The following ARAP1 variants were observed in gnomAD, a reference collection of about 807,000 sequenced individuals.
The protein encoded by ARAP1 is ArfGAP with RhoGAP domain, ankyrin repeat and PH domain 1, also known as arf-GAP with Rho-GAP domain, ANK repeat and PH domain-containing protein 1.
A neutral mutation model predicts 172.2 loss-of-function variants in ARAP1; 76 were observed. The observed-to-expected ratio is 0.44, with a 90% CI of 0.37 to 0.53. ARAP1 has a LOEUF of 0.53. Ranked by LOEUF, ARAP1 falls within the 20% of genes least tolerant of loss-of-function variation. ARAP1 has a pLI of 0.00. For synonymous variants in ARAP1, 804 were observed against 803.3 expected, an observed-to-expected ratio of 1.00 and a Z score of -0.01; for missense variants, 1,686 against 1,977.5, an observed-to-expected ratio of 0.85 and a Z score of 2.80.
intron 30 of ARAP1, among the ~76,000 whole-genome samples, chr11:72,692,151 CAG>C (rs1855961686): frequency 6.6e-6 from 1 of 152,156 alleles, no homozygotes; most frequent in Non-Finnish European, 1.5e-5. Context: ...TCATGAGATG[CAG>C]ATTCTCAGCA....
intron 13 of ARAP1, chr11:72,705,537 A>T: frequency 2.1e-6 from 1 of 472,412 alleles, no homozygotes; most frequent in East Asian, 3.4e-5. Flanking sequence ...TACAGAACAC[A>T]TACAGTCTCT....
rs938593463 is a variant in ARAP1, at chr11:72,698,941, G to A, written c.2541+64C>T. ...CGGGGGAGCTGGGATACATGGGATT[G>A]GCCAGGAGGCCCCACCTTCCCCAGT... is the stretch of plus-strand genomic sequence containing the variant. On this transcript the variant is annotated intron_variant, in intron 18 of 34. Coordinates refer to ENST00000393609, the MANE Select transcript of ARAP1 (RefSeq NM_001040118.3). The A allele has an allele frequency of 3.3e-6, 5 of 1,521,428 alleles. No individual in the cohort carries two copies. In the African/African-American group the frequency reaches 6.8e-5, roughly 21 times the overall value. 94.2% of individuals were successfully genotyped at this position (1,521,428 alleles called of 1,614,324 possible). A position where few individuals can be genotyped will look rare whatever the true frequency, so the allele number is the denominator to read the frequency against.
rs541896827 is a variant in ARAP1, at chr11:72,739,812, G to A, written c.-127-7215C>T. ...GGTGCTAGGCTTGTAGCCAGGCTCT[G>A]GGCTAGACTCCCTCCACATCCTGAG... On this transcript the variant is annotated intron_variant, in intron 1 of 34. Transcript: ENST00000393609. Among the ~76,000 whole-genome samples, 10 of 152,232 alleles carry A rather than the reference G, an allele frequency of 6.6e-5. 2 individuals are homozygous for A. The highest frequency in any genetic ancestry group is 2.2e-4 in the African/African-American group (9 of 41,544).
chr11:72,707,389 G>A lies in ARAP1; in HGVS notation c.1524-15C>T. ...CAGCAGAGAAGCTGGGGACATAGGG[G>A]TGGGGAGATTAGTGGGGATGGACTC... On this transcript the variant is annotated splice_polypyrimidine_tract_variant and intron_variant, in intron 11 of 34. Transcript: ENST00000393609. 1 of 1,605,022 alleles carries A rather than the reference G, an allele frequency of 6.2e-7. No individual in the cohort carries two copies. Among genetic ancestry groups the A allele is most frequent in the East Asian group, 2.2e-5 (1 of 44,664 alleles).
Position 72,692,787 on chromosome 11 carries a change from T to C in ARAP1, c.3955-2A>G, listed in dbSNP as rs966296205. 4.3e-6 allele frequency: 7 copies of C among 1,613,486 alleles called. No individual in the cohort carries two copies. In the African/African-American group the frequency reaches 8.0e-5, roughly 18 times the overall value. On this transcript the variant is annotated splice_acceptor_variant, in intron 29 of 34. Transcript: ENST00000393609. LOFTEE classifies it high-confidence loss of function. ...GGCCCCGCTCCACGGCCTCTGGCTC[T>C]GTTTGATAGAGGATCAGGGTTATGG...
In ARAP1 at chr11:72,741,481, C is replaced by T. The variant is rs2135590218; in HGVS notation, c.-127-8884G>A. Among the ~76,000 whole-genome samples the T allele has an allele frequency of 6.6e-6, 1 of 152,260 alleles. No homozygotes were observed. Among genetic ancestry groups the T allele is most frequent in the African/African-American group, 2.4e-5 (1 of 41,550 alleles). On this transcript the variant is annotated intron_variant, in intron 1 of 34. Transcript: ENST00000393609. The surrounding 1 kb of genome is among the most constrained non-coding windows in gnomAD (Gnocchi z 4.5). ...ACAGGGCTCTGGCCTGGCTCCCTGG[C>T]CCTCAGGCACAGACACACTCTACAG...
intron 1 of ARAP1, among the ~76,000 whole-genome samples, chr11:72,739,823 C>T (rs903064142): frequency 1.3e-5 from 2 of 152,150 alleles, no homozygotes; most frequent in African/African-American, 4.8e-5. Context: ...GGCTAGACTC[C>T]CTCCACATCC....
intron 1 of ARAP1, among the ~76,000 whole-genome samples, chr11:72,749,003 AT>A (rs1405476462): frequency 2.0e-5 from 3 of 152,168 alleles, no homozygotes; most frequent in Non-Finnish European, 4.4e-5. Flanking sequence ...TTTCTAAAAC[AT>A]AACACCTCTC....
At position 72,699,988 on chromosome 11, in the gene ARAP1, A is replaced by G. The variant is rs374750935; in HGVS notation, c.2303-436T>C. The G allele has an allele frequency of 3.8e-4, 67 of 177,632 alleles. No individual in the cohort carries two copies. The South Asian group carries it at 8.7e-3, about 23-fold the overall frequency. 11.0% of individuals were successfully genotyped at this position (177,632 alleles called of 1,614,324 possible). ...CCTTGTCCCCTCTACCCACCACCTG[A>G]ATGTCACAGGAAGCCTTCTATGCCC... On this transcript the variant is annotated intron_variant, in intron 16 of 34. Coordinates refer to ENST00000393609, the MANE Select transcript of ARAP1 (RefSeq NM_001040118.3). This position sits in a 1 kb window ranked among gnomAD's most constrained non-coding sequence, Gnocchi z 4.2.
intron 2 of ARAP1, among the ~76,000 whole-genome samples, chr11:72,728,539 C>A (rs988323249): frequency 3.9e-5 from 6 of 152,084 alleles, no homozygotes; most frequent in Admixed American, 2.6e-4. Flanking sequence ...CGAGATCATG[C>A]CACTGCACCC....
In ARAP1 at chr11:72,704,112, G is replaced by A. The variant is rs988954727; in HGVS notation, c.1992+40C>T. 3 of 1,612,768 alleles carry A rather than the reference G, an allele frequency of 1.9e-6. No individual in the cohort carries two copies. The African/African-American group carries it at 4.0e-5, about 22-fold the overall frequency. Reference sequence around the variant, plus strand: ...TGAGGAACAGGGCAGCAGAAAGACGGGGGTGGTCCCAAGGGGCCCCAGAGC... The same window carrying A: ...TGAGGAACAGGGCAGCAGAAAGACGAGGGTGGTCCCAAGGGGCCCCAGAGC... On this transcript the variant is annotated intron_variant, in intron 14 of 34. Coordinates refer to ENST00000393609, the MANE Select transcript of ARAP1 (RefSeq NM_001040118.3).
In ARAP1 at chr11:72,711,126, G is replaced by C. The variant is rs200779197; in HGVS notation, c.1108C>G (p.Arg370Gly). 3 of 1,614,056 alleles carry C rather than the reference G, an allele frequency of 1.9e-6. No individual in the cohort carries two copies. The South Asian group carries it at 3.3e-5, about 18-fold the overall frequency. ...FDSNKDAYSK[R>G]FISVACISHV... ...GAGATGCAGGCCACAGAGATAAAGC[G>C]CTTAGAGTAAGCGTCCTGGGGGAGA... The change falls in exon 9 of 35, where the codon CGC becomes GGC. Residue 370 changes from arginine (R) to glycine (G), a missense_variant. By Grantham distance (125) the Arg-to-Gly change is moderately radical (BLOSUM62 -2). Around this residue, in one of 5 missense-constraint regions of ARAP1, gnomAD observed 688 missense variants for 856.9 expected, o/e 0.80. Coordinates refer to ENST00000393609, the MANE Select transcript of ARAP1 (RefSeq NM_001040118.3).
Position 72,693,863 on chromosome 11 carries a change from C to T in ARAP1, c.3695-58G>A. On this transcript the variant is annotated intron_variant, in intron 27 of 34. Coordinates refer to ENST00000393609, the MANE Select transcript of ARAP1 (RefSeq NM_001040118.3). The surrounding 1 kb of genome is among the most constrained non-coding windows in gnomAD (Gnocchi z 4.6). ...CCACATGGCCCGATACCACCAAAGGCTGGCAGATGGGCACATATCACCTAC... is the reference window on the plus strand; with the variant it reads ...CCACATGGCCCGATACCACCAAAGGTTGGCAGATGGGCACATATCACCTAC... The T allele has an allele frequency of 3.5e-6, 5 of 1,419,142 alleles. No individual in the cohort carries two copies. Among genetic ancestry groups the T allele is most frequent in the Non-Finnish European group, 4.8e-6 (5 of 1,044,516 alleles). The allele number at this position is 1,419,142 out of a possible 1,614,324, so 87.9% of individuals were successfully genotyped here.
intron 33 of ARAP1, chr11:72,687,156 T>C (rs1002937642): frequency 2.0e-6 from 1 of 493,978 alleles, no homozygotes; most frequent in Non-Finnish European, 3.7e-6. Flanking sequence ...CTGATCACAC[T>C]GGGCTATAAC....
At chr11:72,743,237 C>T (rs1359829158) in intron 1 of ARAP1, among the ~76,000 whole-genome samples, 2 of 152,192 alleles carry the variant, frequency 1.3e-5, no homozygotes, top group African/African-American at 2.4e-5. Context: ...AATGCTCAAT[C>T]GATAATATTT....
chr11:72,697,891 C>T lies in ARAP1; in HGVS notation c.2737+20G>A. ...GATAGGGTGCCCTGGAGGCTGGGGG[C>T]CCAGGTCTGGTCCACGCACAAAGCT... is the stretch of plus-strand genomic sequence containing the variant. On this transcript the variant is annotated intron_variant, in intron 19 of 34. Coordinates refer to ENST00000393609, the MANE Select transcript of ARAP1 (RefSeq NM_001040118.3). 6.4e-7 allele frequency: 1 copy of T among 1,552,586 alleles called. No homozygotes were observed. The highest frequency in any genetic ancestry group is 2.3e-5 in the East Asian group (1 of 43,710).
Position 72,699,160 on chromosome 11 carries a change from C to G in ARAP1, c.2439-53G>C. On this transcript the variant is annotated intron_variant, in intron 17 of 34. Coordinates refer to ENST00000393609, the MANE Select transcript of ARAP1 (RefSeq NM_001040118.3). The surrounding 1 kb of genome is among the most constrained non-coding windows in gnomAD (Gnocchi z 4.2). ...CCCACCTCATCCAGCACGGGCCCAC[C>G]CCCAACCCGCACCATCAACCGCCAT... 6.3e-7 allele frequency: 1 copy of G among 1,578,752 alleles called. No individual in the cohort carries two copies. Among genetic ancestry groups the G allele is most frequent in the Non-Finnish European group, 8.7e-7 (1 of 1,150,170 alleles).
In ARAP1 at chr11:72,716,789, G is replaced by T. The variant is rs890019121; in HGVS notation, c.510-2468C>A. Among the ~76,000 whole-genome samples, 6 of 152,278 alleles carry T rather than the reference G, an allele frequency of 3.9e-5. No homozygotes were observed. The South Asian group carries it at 8.3e-4, about 21-fold the overall frequency. On this transcript the variant is annotated intron_variant, in intron 3 of 34. Transcript: ENST00000393609. ...TGGACAGCTGCATGGGCTGTGGCTC[G>T]GATCGCTTCAAAGACCCCATGGCAG... is the stretch of plus-strand genomic sequence containing the variant.
intron 3 of ARAP1, among the ~76,000 whole-genome samples, chr11:72,722,730 T>A (rs1857566737): frequency 6.6e-6 from 1 of 152,236 alleles, no homozygotes; most frequent in East Asian, 1.9e-4. Context: ...CTGAGGTGCC[T>A]CCAGGCATCC....
Sources: gnomAD v4.1 joint callset for allele counts (sites outside exome capture counted in the v4.1 genomes callset) on GRCh38, gnomAD v4.1.1 for gene constraint, gnomAD v4.1.1 regional missense constraint, Gnocchi (gnomAD v3.1) non-coding constraint, MANE v1.5 for transcripts, NCBI Gene and HGNC (gene_info 2026-07-23, HGNC 2026-07-21) for gene names.